CAMKMT: variants seen among roughly 807,000 people sequenced by gnomAD.
CAMKMT encodes calmodulin-lysine N-methyltransferase.
In CAMKMT, 53 loss-of-function variants were observed where a neutral mutation model predicts 48.0. That is an observed-to-expected ratio of 1.10 (90% CI 0.89 to 1.39). CAMKMT has a LOEUF of 1.39. CAMKMT is among the 40% of genes most tolerant of loss of function. CAMKMT has a pLI of 0.00. For synonymous variants in CAMKMT, 165 were observed against 152.3 expected (o/e 1.08, Z -0.61); for missense variants, 428 against 402.7 (o/e 1.06, Z -0.54).
At chr2:44,434,988 G>A (rs2104546859) in intron 3 of CAMKMT, among the ~76,000 whole-genome samples, 1 of 152,184 alleles carries the variant, frequency 6.6e-6, no homozygotes, top group South Asian at 2.1e-4. Context: ...TGGCATCATT[G>A]TCTCTGGGGC....
chr2:44,575,234 A>T (rs1353806729), intron 3 of CAMKMT, among the ~76,000 whole-genome samples: 1 of 151,102 alleles, frequency 6.6e-6, no homozygotes, highest in East Asian at 2.0e-4. Context: ...ACATACCACC[A>T]CTCTCGGCTA....
intron 3 of CAMKMT, among the ~76,000 whole-genome samples, chr2:44,483,146 A>G (rs1321644386): frequency 1.3e-5 from 2 of 152,146 alleles, no homozygotes; most frequent in African/African-American, 4.8e-5. Context: ...CTGACTCTTC[A>G]GCCCTCTCTA....
chr2:44,767,860 G>T (rs948873974), intron 10 of CAMKMT, among the ~76,000 whole-genome samples: 1 of 152,222 alleles, frequency 6.6e-6, no homozygotes, highest in Admixed American at 6.5e-5. Context: ...ACAAGGATCA[G>T]CTGACAGCTG....
At chr2:44,750,518 T>A (rs62132359) in intron 8 of CAMKMT, among the ~76,000 whole-genome samples, 1 of 152,074 alleles carries the variant, frequency 6.6e-6, no homozygotes, top group East Asian at 1.9e-4. Context: ...AGACAGTCCT[T>A]TTATTTATTT....
chr2:44,474,739 C>T (rs1343133084), intron 3 of CAMKMT, among the ~76,000 whole-genome samples: 1 of 152,168 alleles, frequency 6.6e-6, no homozygotes, highest in Non-Finnish European at 1.5e-5. Flanking sequence ...AAATGCTCCT[C>T]CCTGTACTCC....
chr2:44,575,867 A>T (rs1020285045), intron 3 of CAMKMT, among the ~76,000 whole-genome samples: 5 of 152,100 alleles, frequency 3.3e-5, no homozygotes, highest in South Asian at 2.1e-4. Context: ...AAAAAAATTT[A>T]AAAAATTGTT....
intron 3 of CAMKMT, among the ~76,000 whole-genome samples, chr2:44,558,550 G>A: frequency 6.6e-6 from 1 of 152,238 alleles, no homozygotes; most frequent in South Asian, 2.1e-4. Flanking sequence ...CTCAGAGGTG[G>A]ATTGGATAAG....
intron 3 of CAMKMT, chr2:44,631,469 A>G (rs147453585): frequency 2.0e-4 from 121 of 600,858 alleles, no homozygotes; most frequent in East Asian, 1.9e-3. Flanking sequence ...AAAAAAAACA[A>G]TTTTTTATTT....
chr2:44,402,798 A>G (rs1481303602), intron 3 of CAMKMT, among the ~76,000 whole-genome samples: 1 of 26,606 alleles, frequency 3.8e-5, no homozygotes, highest in Non-Finnish European at 8.8e-5. Context: ...TGAGTTTTTT[A>G]TTTCTATTTT....
chr2:44,689,283 T>G (rs1424557149), intron 3 of CAMKMT, among the ~76,000 whole-genome samples: 2 of 149,222 alleles, frequency 1.3e-5, no homozygotes, highest in African/African-American at 4.9e-5. Context: ...TTTATTTATT[T>G]ATTTATTTAT....
intron 3 of CAMKMT, among the ~76,000 whole-genome samples, chr2:44,648,399 T>A (rs1047036141): frequency 1.3e-5 from 2 of 152,138 alleles, no homozygotes; most frequent in Non-Finnish European, 2.9e-5. Flanking sequence ...TCAAAAAAAG[T>A]ACAAAAATTT....
At chr2:44,757,822 T>TTGC (rs1413998683) in intron 9 of CAMKMT, among the ~76,000 whole-genome samples, 5 of 152,140 alleles carry the variant, frequency 3.3e-5, no homozygotes, top group African/African-American at 1.2e-4. Flanking sequence ...CCCCGACCCC[T>TTGC]TGGCCTACCA....
At chr2:44,442,218 C>T (rs1427076336) in intron 3 of CAMKMT, among the ~76,000 whole-genome samples, 1 of 152,154 alleles carries the variant, frequency 6.6e-6, no homozygotes, top group Non-Finnish European at 1.5e-5. Flanking sequence ...TGACTCAGTT[C>T]TTTCATTTGC....
rs564389432 is a variant in CAMKMT at position 44,367,384 on chromosome 2, A to G, written c.138+5239A>G. ...TGCTTGACCTCATGTGACAAGTCGC[A>G]ATTAAAATACAGTCAAAACTTTGTT... On this transcript the variant is annotated intron_variant, in intron 1 of 10. Coordinates refer to ENST00000378494, the MANE Select transcript of CAMKMT (RefSeq NM_024766.5). Among the ~76,000 whole-genome samples the G allele has an allele frequency of 2.0e-5, 3 of 152,360 alleles. No individual in the cohort carries two copies. The East Asian group carries it at 5.8e-4, about 29-fold the overall frequency.
At chr2:44,596,476 A>G (rs1670674779) in intron 3 of CAMKMT, among the ~76,000 whole-genome samples, 1 of 152,118 alleles carries the variant, frequency 6.6e-6, no homozygotes, top group Non-Finnish European at 1.5e-5. Context: ...AAAAAAGAAA[A>G]GAAAGAAAAA....
At chr2:44,572,026 G>A (rs1045650352) in intron 3 of CAMKMT, among the ~76,000 whole-genome samples, 1 of 151,912 alleles carries the variant, frequency 6.6e-6, no homozygotes, top group East Asian at 1.9e-4. Context: ...CGTATCTTAA[G>A]TATACAATTC....
chr2:44,702,214 C>A (rs1677297222), intron 3 of CAMKMT, among the ~76,000 whole-genome samples: 1 of 152,040 alleles, frequency 6.6e-6, no homozygotes, highest in South Asian at 2.1e-4. Context: ...TTGTCTTATG[C>A]TCTTCCTTCA....
intron 3 of CAMKMT, among the ~76,000 whole-genome samples, chr2:44,538,261 C>T (rs891299475): frequency 5.3e-5 from 8 of 151,524 alleles, no homozygotes; most frequent in African/African-American, 1.7e-4. Context: ...CCCAGCTACT[C>T]GGGAAGCTGA....
intron 7 of CAMKMT, among the ~76,000 whole-genome samples, chr2:44,735,631 G>A (rs1271702081): frequency 1.3e-5 from 2 of 151,844 alleles, no homozygotes; most frequent in South Asian, 2.1e-4. Context: ...GCTGGGCATG[G>A]TGGCTCATGC....
Sources: allele counts gnomAD v4.1 joint callset (sites outside exome capture counted in the v4.1 genomes callset), GRCh38; gene constraint gnomAD v4.1.1; transcripts MANE v1.5; gene names NCBI Gene and HGNC (gene_info 2026-07-23, HGNC 2026-07-21).